Variants in SYNCRIP observed in about 807,000 individuals in gnomAD.
SYNCRIP encodes heterogeneous nuclear ribonucleoprotein Q.
In SYNCRIP, 9 loss-of-function variants were observed where a neutral mutation model predicts 68.9. That is an observed-to-expected ratio of 0.13 (90% CI 0.08 to 0.23). The LOEUF (loss-of-function observed/expected upper bound fraction) is 0.23. Among genes scored for constraint, SYNCRIP ranks in the 10% least tolerant of loss-of-function variants. The pLI is 1.00. For missense variants in SYNCRIP, 414 were observed against 770.6 expected (o/e 0.54, Z 5.48); for synonymous variants, 258 against 254.0 (o/e 1.02, Z -0.15).
chr6:85,632,590 T>C (rs1244848691), intron 6 of SYNCRIP, among the ~76,000 whole-genome samples: 3 of 152,224 alleles, frequency 2.0e-5, no homozygotes, highest in Admixed American at 6.5e-5. Context: ...TCTAGTTCTT[T>C]GTTGTGCTAA....
intron 6 of SYNCRIP, among the ~76,000 whole-genome samples, chr6:85,634,180 G>T (rs574685450): frequency 1.3e-5 from 2 of 152,024 alleles, no homozygotes; most frequent in African/African-American, 4.8e-5. Context: ...ATAATTTAAC[G>T]TATTTATTAA....
chr6:85,633,209 T>C (rs964501110), intron 6 of SYNCRIP, among the ~76,000 whole-genome samples: 7 of 151,534 alleles, frequency 4.6e-5, no homozygotes, highest in South Asian at 2.1e-4. Flanking sequence ...TGAGCCGAGA[T>C]TGCACCACTG....
intron 6 of SYNCRIP, among the ~76,000 whole-genome samples, chr6:85,635,056 T>A (rs1284339055): frequency 6.6e-6 from 1 of 151,970 alleles, no homozygotes; most frequent in Non-Finnish European, 1.5e-5. Context: ...TCCCAGCTAC[T>A]CGGGTGGCTG....
intron 10 of SYNCRIP, among the ~76,000 whole-genome samples, chr6:85,618,305 C>T (rs773556937): frequency 5.9e-5 from 9 of 151,844 alleles, no homozygotes; most frequent in Non-Finnish European, 1.0e-4. Context: ...CTTTGGGAGG[C>T]AGAGGTGGGC....
chr6:85,624,645 GGAGA>G (rs1806830187), intron 6 of SYNCRIP, among the ~76,000 whole-genome samples: 1 of 152,078 alleles, frequency 6.6e-6, no homozygotes, highest in African/African-American at 2.4e-5. Context: ...AAATTATGAA[GGAGA>G]AAGAGAAGTA....
chr6:85,623,581 A>AAAAAAAAAAC (rs1562087833), intron 7 of SYNCRIP, among the ~76,000 whole-genome samples: 1 of 150,912 alleles, frequency 6.6e-6, no homozygotes. Context: ...AAAAAAAAAA[A>AAAAAAAAAAC]AACACTCTGC....
At chr6:85,625,549 G>A (rs375015871) in intron 6 of SYNCRIP, among the ~76,000 whole-genome samples, 3 of 151,920 alleles carry the variant, frequency 2.0e-5, no homozygotes, top group South Asian at 2.1e-4. Context: ...CACCATGCCC[G>A]GCTATTTTTT....
downstream of SYNCRIP, chr6:85,612,887 G>T (rs779954150): frequency 6.4e-6 from 10 of 1,550,692 alleles, no homozygotes; most frequent in East Asian, 2.4e-5. Context: ...AGTCTTCATT[G>T]TAACAGGTCA....
At chr6:85,626,189 T>A (rs1021099261) in intron 6 of SYNCRIP, among the ~76,000 whole-genome samples, 5 of 152,244 alleles carry the variant, frequency 3.3e-5, no homozygotes, top group African/African-American at 1.2e-4. Flanking sequence ...CACAGAATTA[T>A]GGACAAGTAG....
intron 4 of SYNCRIP, among the ~76,000 whole-genome samples, chr6:85,638,379 TCAAAAAAAA>T (rs1808720200): frequency 5.8e-5 from 1 of 17,120 alleles, no homozygotes; most frequent in African/African-American, 2.7e-4. Context: ...AGACCCCATC[TCAAAAAAAA>T]AAAAAAAAAA....
chr6:85,634,933 G>C (rs1444214229), intron 6 of SYNCRIP, among the ~76,000 whole-genome samples: 1 of 152,150 alleles, frequency 6.6e-6, no homozygotes, highest in Non-Finnish European at 1.5e-5. Context: ...ACTTTGGGAG[G>C]CCAAGGCGGG....
chr6:85,642,553 G>C (rs941686671), intron 1 of SYNCRIP, among the ~76,000 whole-genome samples: 1 of 152,164 alleles, frequency 6.6e-6, no homozygotes, highest in Admixed American at 6.5e-5. Flanking sequence ...TGCGGGCCAC[G>C]GGACCGTGGA....
chr6:85,637,409 A>G, intron 4 of SYNCRIP, 53 bp from the exon 5 acceptor site: 5 of 1,153,278 alleles, frequency 4.3e-6, no homozygotes, highest in Admixed American at 4.0e-5. Flanking sequence ...CCACACCCAT[A>G]TATTTAGCAG....
intron 2 of SYNCRIP, 47 bp downstream of exon 2, chr6:85,641,245 C>G (rs770121168): frequency 1.3e-6 from 2 of 1,543,120 alleles, no homozygotes. Context: ...AGCCAGAAAT[C>G]CAATAGAAAA....
At chr6:85,619,788 T>C (rs1010207515) in intron 8 of SYNCRIP, among the ~76,000 whole-genome samples, 5 of 139,240 alleles carry the variant, frequency 3.6e-5, no homozygotes, top group Non-Finnish European at 8.4e-5. Context: ...CTGGTGGGAA[T>C]GCAAAAGGGT....
At chr6:85,619,514 C>T (rs1806150402) in intron 8 of SYNCRIP, 97 bp from the exon 9 acceptor site, 6 of 1,103,980 alleles carry the variant, frequency 5.4e-6, no homozygotes, top group Middle Eastern at 2.8e-4. Flanking sequence ...AATCACAATC[C>T]ATTAGAAGAA....
chr6:85,641,254 A>C (rs1439642645), intron 2 of SYNCRIP, 38 bp downstream of exon 2: 2 of 1,571,962 alleles, frequency 1.3e-6, no homozygotes, highest in Non-Finnish European at 1.7e-6. Context: ...TCCAATAGAA[A>C]AATTTCATAA....
At chr6:85,640,093 G>GA (rs1808952850) in intron 4 of SYNCRIP, 128 bp downstream of exon 4, 1 of 676,736 alleles carries the variant, frequency 1.5e-6, no homozygotes, top group Non-Finnish European at 2.5e-6. Context: ...TTAAAAAAAG[G>GA]AATTAGGAAA....
At chr6:85,613,865 A>G, downstream of SYNCRIP, 1 of 628,412 alleles carries the variant, frequency 1.6e-6, no homozygotes, top group Non-Finnish European at 2.0e-6. Context: ...TAGGCAACTG[A>G]AAGTGGACTT....
Sources: allele counts gnomAD v4.1 joint callset (sites outside exome capture counted in the v4.1 genomes callset), GRCh38; gene constraint gnomAD v4.1.1; transcripts MANE v1.5; gene names NCBI Gene and HGNC (gene_info 2026-07-23, HGNC 2026-07-21).